Variants in ABHD17C observed in about 807,000 individuals in gnomAD.
ABHD17C encodes the protein alpha/beta hydrolase domain-containing protein 17C.
ABHD17C carries 11 observed loss-of-function variants against 27.9 expected under a neutral mutation model. The ratio of observed to expected loss-of-function variants is 0.39; its 90% CI spans 0.25 to 0.65. The LOEUF is 0.65. ABHD17C is among the 30% of genes least tolerant of loss of function. The probability of loss-of-function intolerance (pLI) is 0.45; values close to 1 mark genes in which losing one functional copy is unlikely to be tolerated. For synonymous variants in ABHD17C, 233 were observed against 209.1 expected, an observed-to-expected ratio of 1.11 and a Z score of -0.98; for missense variants, 280 against 470.2, an observed-to-expected ratio of 0.60 and a Z score of 3.74.
chr15:80,696,665 A>G (rs1261931399), intron 1 of ABHD17C, among the ~76,000 whole-genome samples: 1 of 152,174 alleles, frequency 6.6e-6, no homozygotes, highest in African/African-American at 2.4e-5. Context: ...ACAGTCCAGG[A>G]TAAGTTTGAA....
At chr15:80,713,573 G>A (rs187834469) in intron 1 of ABHD17C, among the ~76,000 whole-genome samples, 27 of 151,942 alleles carry the variant, frequency 1.8e-4, no homozygotes, top group Non-Finnish European at 5.9e-5. Flanking sequence ...ACTTTGGGAG[G>A]CCAAGGTGGG....
chr15:80,701,539 C>T (rs918052311), intron 1 of ABHD17C, among the ~76,000 whole-genome samples: 1 of 151,820 alleles, frequency 6.6e-6, no homozygotes. Flanking sequence ...ATTAGCTGGT[C>T]GTGGTGGCAG....
chr15:80,703,565 T>C (rs1567030323), intron 1 of ABHD17C: 1 of 152,228 alleles, frequency 6.6e-6, no homozygotes, highest in African/African-American at 2.4e-5. Flanking sequence ...TTCATTCTGG[T>C]ACAGTGGATC....
chr15:80,754,032 C>A, intron 2 of ABHD17C, 119 bp from the exon 3 acceptor site: 3 of 815,004 alleles, frequency 3.7e-6, no homozygotes, highest in South Asian at 3.6e-5. Flanking sequence ...ACAAAAAAAA[C>A]CCACGGTGTT....
chr15:80,697,884 T>C (rs1236568776), intron 1 of ABHD17C, among the ~76,000 whole-genome samples: 1 of 152,142 alleles, frequency 6.6e-6, no homozygotes, highest in African/African-American at 2.4e-5. Context: ...ACCTTATAGA[T>C]CCTCATGTCT....
At chr15:80,728,043 G>A (rs1389213545) in intron 1 of ABHD17C, among the ~76,000 whole-genome samples, 1 of 152,192 alleles carries the variant, frequency 6.6e-6, no homozygotes, top group East Asian at 1.9e-4. Context: ...TAAGAGCGTT[G>A]TGGTCTTGGG....
At chr15:80,737,446 A>G (rs1368815696) in intron 1 of ABHD17C, among the ~76,000 whole-genome samples, 1 of 152,218 alleles carries the variant, frequency 6.6e-6, no homozygotes, top group African/African-American at 2.4e-5. Flanking sequence ...AATTTGTTCA[A>G]AAACAGCTTT....
chr15:80,733,995 A>T (rs147321740), intron 1 of ABHD17C, among the ~76,000 whole-genome samples: 23 of 121,958 alleles, frequency 1.9e-4, no homozygotes, highest in Middle Eastern at 4.3e-3. Context: ...TTATTTATTT[A>T]TTTTTTTAAA....
At position 80,749,534 on chromosome 15, in the gene ABHD17C, C is replaced by T. The variant is rs1249335010; in HGVS notation, c.612C>T (p.Asn204=). Residue 204 remains asparagine (N), a synonymous_variant, in exon 2 of 3, where the codon AAC becomes AAT. Coordinates refer to ENST00000258884, the MANE Select transcript of ABHD17C (RefSeq NM_021214.2). ...CCAGGTATGGCGTGAGTCCCGAGAA[C>T]ATTATCCTCTATGGTCAGAGCATTG... ...LRTRYGVSPE[N]IILYGQSIGT... 7 of 1,613,794 alleles carry T rather than the reference C, an allele frequency of 4.3e-6. No individual in the cohort carries two copies. The highest frequency in any genetic ancestry group is 5.9e-6 in the Non-Finnish European group (7 of 1,179,852).
chr15:80,723,634 A>G (rs987878979), intron 1 of ABHD17C, among the ~76,000 whole-genome samples: 1 of 152,222 alleles, frequency 6.6e-6, no homozygotes, highest in Non-Finnish European at 1.5e-5. Context: ...TTAACTTACA[A>G]TGAGAAATAT....
chr15:80,720,632 T>G (rs73500832), intron 1 of ABHD17C, among the ~76,000 whole-genome samples: 1,716 of 152,160 alleles, frequency 0.011, 31 homozygotes, highest in African/African-American at 0.039. Context: ...TAAAAATGAT[T>G]ATTAATGGCC....
At chr15:80,725,640 G>A (rs1054144518) in intron 1 of ABHD17C, among the ~76,000 whole-genome samples, 1 of 152,074 alleles carries the variant, frequency 6.6e-6, no homozygotes, top group Non-Finnish European at 1.5e-5. Flanking sequence ...AGCTTCCTGA[G>A]TAGCTAGGAC....
intron 1 of ABHD17C, among the ~76,000 whole-genome samples, chr15:80,722,769 T>G (rs74027897): frequency 0.016 from 2,501 of 152,312 alleles, 69 homozygotes; most frequent in African/African-American, 0.052. Context: ...CTGTGCTTCA[T>G]GTGTTTGCCT....
intron 1 of ABHD17C, among the ~76,000 whole-genome samples, chr15:80,747,203 C>G (rs1164958542): frequency 1.3e-5 from 2 of 152,168 alleles, no homozygotes; most frequent in Admixed American, 6.5e-5. Flanking sequence ...ATTGGAGGCT[C>G]TCTCTCTCCA....
chr15:80,739,095 T>A (rs1418554970), intron 1 of ABHD17C, among the ~76,000 whole-genome samples: 2 of 152,138 alleles, frequency 1.3e-5, no homozygotes, highest in Non-Finnish European at 2.9e-5. Flanking sequence ...TAGATCTAGC[T>A]AATGTGGTAT....
rs545481677 is a variant in ABHD17C at position 80,704,333 on chromosome 15, C to T, written c.590+8314C>T. On this transcript the variant is annotated intron_variant, in intron 1 of 2. Transcript: ENST00000258884. ...CTTTCTACACTCAAGCCTTTTCCCT[C>T]ATTCACACTCGCTGCACATCACTGT... Among the ~76,000 whole-genome samples, 239 of 152,244 alleles carry T rather than the reference C, an allele frequency of 1.6e-3. 5 individuals are homozygous for T. The South Asian group carries it at 0.048, about 30-fold the overall frequency.
At chr15:80,719,069 A>G (rs1026863134) in intron 1 of ABHD17C, among the ~76,000 whole-genome samples, 4 of 152,220 alleles carry the variant, frequency 2.6e-5, no homozygotes, top group Non-Finnish European at 5.9e-5. Context: ...TTCCAGTGAG[A>G]AGACTTAGTA....
chr15:80,754,245 G>A lies in ABHD17C; in HGVS notation c.865G>A (p.Glu289Lys), dbSNP rs1342510818. 9 of 1,613,814 alleles carry A rather than the reference G, an allele frequency of 5.6e-6. No individual in the cohort carries two copies. Among genetic ancestry groups the A allele is most frequent in the African/African-American group, 1.3e-5 (1 of 74,910 alleles). Residue 289 changes from glutamate (E) to lysine (K), a missense_variant, in exon 3 of 3, where the codon GAG becomes AAG. Physicochemically the swap from Glu to Lys is moderately conservative, Grantham distance 56 (BLOSUM62 1). This residue lies in a region of ABHD17C where 206 missense variants were observed against 394.7 expected (regional missense o/e 0.52). Coordinates refer to ENST00000258884, the MANE Select transcript of ABHD17C (RefSeq NM_021214.2). ...TTTCTCCCATGGCCTAGCGATGTAC[G>A]AGCGCTGTCCCCGAGCCGTGGAGCC... The part of the protein sequence containing the change: ...IDFSHGLAMY[E>K]RCPRAVEPLW...
At chr15:80,709,692 C>T (rs551993422) in intron 1 of ABHD17C, among the ~76,000 whole-genome samples, 3 of 152,160 alleles carry the variant, frequency 2.0e-5, no homozygotes, top group South Asian at 2.1e-4. Context: ...TCACACTTCC[C>T]GGCCTCTCCC....
Sources: allele counts gnomAD v4.1 joint callset (sites outside exome capture counted in the v4.1 genomes callset), GRCh38; gene constraint gnomAD v4.1.1; regional missense constraint gnomAD v4.1.1; transcripts MANE v1.5; gene names NCBI Gene and HGNC (gene_info 2026-07-23, HGNC 2026-07-21).